BMP8B: variants seen among roughly 807,000 people sequenced by gnomAD.
BMP8B encodes the protein bone morphogenetic protein 8b.
In BMP8B, 17 loss-of-function variants were observed where a neutral mutation model predicts 30.3. That is an observed-to-expected ratio of 0.56 (90% confidence interval 0.38 to 0.84). The LOEUF (loss-of-function observed/expected upper bound fraction) is 0.84, where lower values mean the gene tolerates loss of function less well. BMP8B is among the 40% of genes least tolerant of loss of function. The pLI, the probability that BMP8B is intolerant of heterozygous loss-of-function variation, is 0.00. For missense variants in BMP8B, 253 were observed against 494.6 expected (o/e 0.51, Z 4.63); for synonymous variants, 131 against 214.7 (o/e 0.61, Z 3.41).
At chr1:39,771,511 GCTC>G (rs1362628794) in intron 3 of BMP8B, among the ~76,000 whole-genome samples, 4 of 151,806 alleles carry the variant, frequency 2.6e-5, no homozygotes, top group African/African-American at 9.7e-5. Context: ...CTGAGGTCAG[GCTC>G]CGCGAGAAGG....
At chr1:39,762,367 G>A (rs186776608) in intron 6 of BMP8B, 2 of 1,062,174 alleles carry the variant, frequency 1.9e-6, no homozygotes, top group African/African-American at 3.2e-5. Context: ...CTCCTAAGGG[G>A]AAAACATAAG....
chr1:39,776,696 G>A (rs911722540), intron 1 of BMP8B, among the ~76,000 whole-genome samples: 3 of 152,216 alleles, frequency 2.0e-5, no homozygotes, highest in Admixed American at 6.5e-5. Flanking sequence ...GTCTTTTGAA[G>A]TCTTACTTTT....
At position 39,760,203 on chromosome 1, in the gene BMP8B, C is replaced by T. The variant is rs1221263495; in HGVS notation, c.*216G>A. On this transcript the variant is annotated 3_prime_UTR_variant, in exon 7 of 7. Coordinates refer to ENST00000372827, the MANE Select transcript of BMP8B (RefSeq NM_001720.5). ...GTAGAACACTGCCTGATGATTGAGA[C>T]CACCTGGGCTGGAAACAGGACAGTC... is the stretch of plus-strand genomic sequence containing the variant. 2.5e-6 allele frequency: 2 copies of T among 789,796 alleles called. No homozygotes were observed. The highest frequency in any genetic ancestry group is 3.5e-5 in the African/African-American group (2 of 57,210). The allele number at this position is 789,796 out of a possible 1,614,324, so 48.9% of individuals were successfully genotyped here.
chr1:39,764,236 T>A (rs1430012661), intron 4 of BMP8B, among the ~76,000 whole-genome samples: 1 of 152,214 alleles, frequency 6.6e-6, no homozygotes, highest in Non-Finnish European at 1.5e-5. Context: ...CTGTCCCTGA[T>A]CCTGAAGGGC....
intron 3 of BMP8B, among the ~76,000 whole-genome samples, chr1:39,766,319 C>T (rs1221317025): frequency 2.7e-5 from 4 of 146,262 alleles, no homozygotes; most frequent in East Asian, 1.9e-4. Context: ...TCAGTTTACA[C>T]GAAAGTACAT....
chr1:39,783,568 A>G (rs1009452758), intron 1 of BMP8B, among the ~76,000 whole-genome samples: 8 of 152,244 alleles, frequency 5.3e-5, no homozygotes, highest in Non-Finnish European at 1.2e-4. Context: ...GAAAAACAAC[A>G]AAGTTGCAAA....
chr1:39,778,370 T>C (rs1417022144), intron 1 of BMP8B, among the ~76,000 whole-genome samples: 1 of 151,348 alleles, frequency 6.6e-6, no homozygotes, highest in African/African-American at 2.4e-5. Flanking sequence ...GCCTGGCTGG[T>C]CCCACAGGCA....
intron 1 of BMP8B, among the ~76,000 whole-genome samples, chr1:39,786,007 T>C (rs768624445): frequency 1.1e-4 from 17 of 152,132 alleles, no homozygotes; most frequent in Non-Finnish European, 2.4e-4. Flanking sequence ...CTTCATGAAA[T>C]GCACAAAGCT....
intron 3 of BMP8B, among the ~76,000 whole-genome samples, chr1:39,768,173 C>A (rs1256149777): frequency 4.0e-5 from 6 of 151,136 alleles, no homozygotes; most frequent in Admixed American, 4.0e-4. Context: ...TTACAACGGA[C>A]CATCACACAA....
At chr1:39,763,384 G>A (rs554833237) in intron 5 of BMP8B, among the ~76,000 whole-genome samples, 182 bp from the exon 6 acceptor site, 6 of 103,770 alleles carry the variant, frequency 5.8e-5, no homozygotes, top group South Asian at 8.3e-4. Context: ...TTCACTTTGC[G>A]TCCCCTCCCC....
In BMP8B at chr1:39,760,489, T is replaced by C. The variant is rs1648794870; in HGVS notation, c.1139A>G (p.Tyr380Cys). The C allele has an allele frequency of 6.2e-7, 1 of 1,614,014 alleles. No individual in the cohort carries two copies. The highest frequency in any genetic ancestry group is 1.7e-5 in the Admixed American group (1 of 59,996). ...TKLSATSVLYYDSSNNVILRK... is the reference protein window; with the variant it reads ...TKLSATSVLYCDSSNNVILRK... Reference sequence around the variant, plus strand: ...CAGGATGACATTGTTGCTGCTGTCATAGTAGAGCACAGAGGTGGCGCTCAG... The same window carrying C: ...CAGGATGACATTGTTGCTGCTGTCACAGTAGAGCACAGAGGTGGCGCTCAG... Residue 380 changes from tyrosine to cysteine, a missense_variant, in exon 7 of 7, where the codon TAT (tyrosine) becomes TGT (cysteine). By Grantham distance (194) the Tyr-to-Cys change is radical. Transcript: ENST00000372827.
In BMP8B at chr1:39,788,648, C is replaced by T; in HGVS notation, c.-163G>A. 1 of 588,840 alleles carries T rather than the reference C, an allele frequency of 1.7e-6. No homozygotes were observed. Among genetic ancestry groups the T allele is most frequent in the Non-Finnish European group, 2.1e-6 (1 of 468,474 alleles). 36.5% of individuals were successfully genotyped at this position (588,840 alleles called of 1,614,324 possible). ...GGCGACCGCGGCCTCAGCGCGGTCC[C>T]TGGAGCGCCCGCCGCGCGACACCTG... On this transcript the variant is annotated 5_prime_UTR_variant, in exon 1 of 7. Transcript: ENST00000372827. The surrounding 1 kb of genome is among the most constrained non-coding windows in gnomAD (Gnocchi z 5.8).
chr1:39,781,442 A>G (rs72665291), intron 1 of BMP8B, among the ~76,000 whole-genome samples: 21,820 of 152,258 alleles, frequency 0.14, 1,961 homozygotes, highest in Middle Eastern at 0.29. Flanking sequence ...CTCTTTTCAT[A>G]ATTTTACACA....
rs199513606 is a variant in BMP8B at position 39,760,390 on chromosome 1, G to T, written c.*29C>A. 4.1e-5 allele frequency: 66 copies of T among 1,612,058 alleles called. No homozygotes were observed. The highest frequency in any genetic ancestry group is 5.3e-5 in the Non-Finnish European group (62 of 1,179,850). ...GAGGGGCCCGATCCAGATGAGAAGG[G>T]TGGCTGCAGCTGGGCCGGGCGGGTG... On this transcript the variant is annotated 3_prime_UTR_variant, in exon 7 of 7. Transcript: ENST00000372827.
chr1:39,771,440 G>C, intron 3 of BMP8B: 1 of 697,942 alleles, frequency 1.4e-6, no homozygotes, highest in East Asian at 3.6e-5. Flanking sequence ...CTCCGCCCTG[G>C]GCTGGGGGCC....
intron 1 of BMP8B, among the ~76,000 whole-genome samples, chr1:39,786,916 T>C (rs1431767095): frequency 1.3e-5 from 2 of 152,202 alleles, no homozygotes; most frequent in African/African-American, 4.8e-5. Context: ...AGGAAGCAAA[T>C]GGCTGATGGC....
chr1:39,763,332 G>C, intron 5 of BMP8B, 130 bp from the exon 6 acceptor site: 1 of 917,484 alleles, frequency 1.1e-6, no homozygotes, highest in Non-Finnish European at 1.6e-6. Flanking sequence ...ACCCCCGGCA[G>C]AAAAGGCTGG....
At chr1:39,784,217 C>T (rs1342075224) in intron 1 of BMP8B, among the ~76,000 whole-genome samples, 4 of 152,150 alleles carry the variant, frequency 2.6e-5, no homozygotes, top group Admixed American at 2.0e-4. Context: ...ACGTGGGCAT[C>T]GCTGGGTATC....
At chr1:39,780,756 A>G (rs1650581181) in intron 1 of BMP8B, among the ~76,000 whole-genome samples, 1 of 152,226 alleles carries the variant, frequency 6.6e-6, no homozygotes. Flanking sequence ...TTATCTGGGC[A>G]TGGTGGTAGG....
Sources: allele counts gnomAD v4.1 joint callset (sites outside exome capture counted in the v4.1 genomes callset), GRCh38; gene constraint gnomAD v4.1.1; non-coding constraint Gnocchi (gnomAD v3.1); transcripts MANE v1.5; gene names NCBI Gene and HGNC (gene_info 2026-07-23, HGNC 2026-07-21).